Variants in POFUT3 observed in about 807,000 individuals in gnomAD.
POFUT3 encodes the protein protein O-fucosyltransferase 3.
chr8:33,353,836 GCAACATCTTATTTC>G, the POFUT3 span, among the ~76,000 whole-genome samples: 2 of 152,238 alleles, frequency 1.3e-5, no homozygotes, highest in East Asian at 3.9e-4. Flanking sequence ...CCCAAAGCTT[GCAACATCTTATTTC>G]CTGTTTGGGG....
the POFUT3 span, among the ~76,000 whole-genome samples, chr8:33,429,556 C>T: frequency 6.6e-6 from 1 of 151,760 alleles, no homozygotes; most frequent in Admixed American, 6.6e-5. Context: ...TAATTCATGG[C>T]AGAAATGCAT....
At chr8:33,463,229 G>T in the POFUT3 span, among the ~76,000 whole-genome samples, 1 of 152,098 alleles carries the variant, frequency 6.6e-6, no homozygotes, top group African/African-American at 2.4e-5. Context: ...TCCCAGGTGG[G>T]TGCAGTGGCT....
the POFUT3 span, among the ~76,000 whole-genome samples, chr8:33,415,896 C>T: frequency 6.6e-6 from 1 of 152,188 alleles, no homozygotes; most frequent in Admixed American, 6.5e-5. Context: ...TGTCTATAAG[C>T]TTCTCTCCCT....
the POFUT3 span, chr8:33,452,619 A>T: frequency 6.6e-6 from 1 of 152,136 alleles, no homozygotes; most frequent in Non-Finnish European, 1.5e-5. Flanking sequence ...TTAAACATTT[A>T]AAAAACTTTA....
the POFUT3 span, among the ~76,000 whole-genome samples, chr8:33,458,026 G>A: frequency 2.3e-4 from 35 of 152,108 alleles, no homozygotes; most frequent in Admixed American, 3.9e-4. Context: ...ACTTTATAAC[G>A]TGACTATATT....
chr8:33,407,798 T>A, the POFUT3 span, among the ~76,000 whole-genome samples: 2 of 150,340 alleles, frequency 1.3e-5, no homozygotes, highest in African/African-American at 2.4e-5. Flanking sequence ...AGGTCAGGAG[T>A]TTGAGACCAG....
At chr8:33,468,566 G>GCCCCTTA in the POFUT3 span, among the ~76,000 whole-genome samples, 5 of 152,214 alleles carry the variant, frequency 3.3e-5, no homozygotes, top group Non-Finnish European at 7.3e-5. Flanking sequence ...CTTAAATGGT[G>GCCCCTTA]ACTGTCCTGG....
At chr8:33,389,457 C>A in the POFUT3 span, 2 of 1,614,194 alleles carry the variant, frequency 1.2e-6, no homozygotes, top group Admixed American at 1.7e-5. Context: ...TAGGAATCGA[C>A]CTCGATGTAA....
At chr8:33,439,966 A>T in the POFUT3 span, among the ~76,000 whole-genome samples, 1 of 152,030 alleles carries the variant, frequency 6.6e-6, no homozygotes, top group South Asian at 2.1e-4. Flanking sequence ...ATCTCATCTC[A>T]TGCTGCCTTC....
At chr8:33,459,333 T>C in the POFUT3 span, among the ~76,000 whole-genome samples, 2 of 150,830 alleles carry the variant, frequency 1.3e-5, no homozygotes, top group African/African-American at 4.9e-5. Flanking sequence ...AAAGCAAAAC[T>C]CCACTCAAAA....
chr8:33,347,901 G>A, the POFUT3 span, among the ~76,000 whole-genome samples: 1 of 152,178 alleles, frequency 6.6e-6, no homozygotes, highest in Admixed American at 6.5e-5. Context: ...GTAGTGGCCA[G>A]GTGTGGTGGC....
At chr8:33,417,086 C>T in the POFUT3 span, among the ~76,000 whole-genome samples, 6 of 152,082 alleles carry the variant, frequency 3.9e-5, no homozygotes, top group African/African-American at 1.2e-4. Context: ...CTGGCATTAC[C>T]GTCTGAGCTC....
the POFUT3 span, among the ~76,000 whole-genome samples, chr8:33,449,096 C>T: frequency 3.9e-5 from 6 of 152,054 alleles, no homozygotes; most frequent in East Asian, 1.2e-3. Flanking sequence ...CAGTATAAGA[C>T]CAAACGCCAT....
chr8:33,461,470 G>A, the POFUT3 span: 1 of 1,613,442 alleles, frequency 6.2e-7, no homozygotes, highest in Non-Finnish European at 8.5e-7. Flanking sequence ...TGCCCTGGGT[G>A]ACTGACAGAG....
At chr8:33,463,361 T>G in the POFUT3 span, among the ~76,000 whole-genome samples, 1 of 151,844 alleles carries the variant, frequency 6.6e-6, no homozygotes, top group Admixed American at 6.6e-5. Flanking sequence ...AAAAATTAGC[T>G]GGGTGCGGTG....
chr8:33,308,882 T>G, the POFUT3 span, among the ~76,000 whole-genome samples: 1 of 150,516 alleles, frequency 6.6e-6, no homozygotes, highest in Non-Finnish European at 1.5e-5. Context: ...CCCAGGCTGT[T>G]GCTTCCCAGT....
At chr8:33,322,069 G>A in the POFUT3 span, among the ~76,000 whole-genome samples, 2,181 of 152,152 alleles carry the variant, frequency 0.014, 17 homozygotes, top group Non-Finnish European at 0.021. Context: ...AATAAAAATG[G>A]AAACTGATTA....
the POFUT3 span, among the ~76,000 whole-genome samples, chr8:33,469,724 A>G: frequency 2.4e-4 from 36 of 152,306 alleles, no homozygotes; most frequent in Admixed American, 1.8e-3. Flanking sequence ...AACTAAAAAC[A>G]AATCCAAAAG....
chr8:33,401,871 T>TA, the POFUT3 span, among the ~76,000 whole-genome samples: 1 of 151,870 alleles, frequency 6.6e-6, no homozygotes, highest in African/African-American at 2.4e-5. Flanking sequence ...CTACTAAAAA[T>TA]ACAAAAATAA....
Sources: gnomAD v4.1 joint callset for allele counts (sites outside exome capture counted in the v4.1 genomes callset) on GRCh38, gnomAD v4.1.1 for gene constraint, MANE v1.5 for transcripts, NCBI Gene and HGNC (gene_info 2026-07-23, HGNC 2026-07-21) for gene names.